Variants in UBE2L3 observed in about 807,000 individuals in gnomAD.
UBE2L3 encodes ubiquitin conjugating enzyme E2 L3.
Under a neutral mutation model 17.8 loss-of-function variants are expected in UBE2L3, and 1 was observed. The ratio of observed to expected loss-of-function variants is 0.06; its 90% CI spans 0.02 to 0.27. The LOEUF (loss-of-function observed/expected upper bound fraction) is 0.27, where lower values mean the gene tolerates loss of function less well. UBE2L3 is among the 10% of genes least tolerant of loss of function. UBE2L3 has a pLI of 1.00. For synonymous variants in UBE2L3, 44 were observed against 68.5 expected (o/e 0.64, Z 1.76); for missense variants, 40 against 192.6 (o/e 0.21, Z 4.69).
upstream of UBE2L3, among the ~76,000 whole-genome samples, chr22:21,567,176 T>C (rs560565065): frequency 1.1e-3 from 166 of 151,726 alleles, no homozygotes; most frequent in African/African-American, 3.3e-3. Context: ...TTTTTTTTTT[T>C]CCCCCAAGAC....
intron 3 of UBE2L3, among the ~76,000 whole-genome samples, chr22:21,611,603 G>A (rs770403561): frequency 1.3e-5 from 2 of 152,210 alleles, no homozygotes; most frequent in Non-Finnish European, 2.9e-5. Context: ...ATTCCCTGGA[G>A]TTGGATGTGG....
chr22:21,599,994 A>C (rs1432185124), intron 2 of UBE2L3, among the ~76,000 whole-genome samples: 1 of 152,350 alleles, frequency 6.6e-6, no homozygotes, highest in Admixed American at 6.5e-5. Context: ...TTATGAAATG[A>C]AAGATTGGAA....
intron 3 of UBE2L3, among the ~76,000 whole-genome samples, chr22:21,618,303 C>T (rs563691478): frequency 3.3e-5 from 5 of 151,816 alleles, no homozygotes; most frequent in East Asian, 3.9e-4. Context: ...CAGTGGCTCA[C>T]GCCTGTAATC....
chr22:21,566,626 T>C (rs1490376420), upstream of UBE2L3, among the ~76,000 whole-genome samples: 1 of 151,564 alleles, frequency 6.6e-6, no homozygotes, highest in African/African-American at 2.4e-5. Flanking sequence ...TCAATACTCA[T>C]ATCTATCAAA....
At chr22:21,604,088 A>G (rs529887963) in intron 2 of UBE2L3, among the ~76,000 whole-genome samples, 1 of 152,144 alleles carries the variant, frequency 6.6e-6, no homozygotes, top group South Asian at 2.1e-4. Flanking sequence ...TAAAATTATC[A>G]TAAGGAATTA....
chr22:21,567,861 C>A, intron 1 of UBE2L3, 90 bp downstream of exon 1: 1 of 1,548,312 alleles, frequency 6.5e-7, no homozygotes, highest in Non-Finnish European at 8.7e-7. Context: ...CAGGGCGCTG[C>A]CGTCTGGCTT....
chr22:21,618,450 C>T (rs1601446332), intron 3 of UBE2L3, among the ~76,000 whole-genome samples: 1 of 151,824 alleles, frequency 6.6e-6, no homozygotes, highest in Non-Finnish European at 1.5e-5. Flanking sequence ...CCTGTAATCC[C>T]ACTACCCGGG....
At chr22:21,570,422 C>T (rs1472901789) in intron 1 of UBE2L3, among the ~76,000 whole-genome samples, 1 of 152,098 alleles carries the variant, frequency 6.6e-6, no homozygotes, top group Non-Finnish European at 1.5e-5. Context: ...AGTGTATTGT[C>T]ATTTGTATTT....
intron 1 of UBE2L3, among the ~76,000 whole-genome samples, chr22:21,556,089 G>T (rs1926214775): frequency 6.6e-6 from 1 of 152,242 alleles, no homozygotes; most frequent in East Asian, 1.9e-4. Context: ...AAATTAACTG[G>T]GCATGGTGGT....
chr22:21,615,697 G>A (rs535171974), intron 3 of UBE2L3, among the ~76,000 whole-genome samples: 1 of 152,200 alleles, frequency 6.6e-6, no homozygotes, highest in South Asian at 2.1e-4. Context: ...AAAGTTTTTT[G>A]TAGCCCCAAA....
chr22:21,584,828 G>C (rs1460039067), intron 1 of UBE2L3, among the ~76,000 whole-genome samples: 2 of 152,076 alleles, frequency 1.3e-5, no homozygotes, highest in Admixed American at 1.3e-4. Context: ...GGGCATGGTG[G>C]TGCGTGCCTG....
intron 1 of UBE2L3, among the ~76,000 whole-genome samples, chr22:21,580,235 C>A (rs1927548204): frequency 1.3e-5 from 2 of 152,152 alleles, no homozygotes; most frequent in South Asian, 4.1e-4. Context: ...CCTGGGCATG[C>A]TCTATACAAG....
At chr22:21,577,137 C>G (rs891073476) in intron 1 of UBE2L3, among the ~76,000 whole-genome samples, 3 of 151,624 alleles carry the variant, frequency 2.0e-5, no homozygotes, top group Admixed American at 2.0e-4. Flanking sequence ...CCCAGCTAAT[C>G]TTTTGTATTT....
At chr22:21,565,846 C>T (rs1926610579), upstream of UBE2L3, among the ~76,000 whole-genome samples, 1 of 147,542 alleles carries the variant, frequency 6.8e-6, no homozygotes, top group South Asian at 2.2e-4. Flanking sequence ...CTCTGCATTG[C>T]TACCTGAGGT....
chr22:21,579,319 TA>T (rs34814873), intron 1 of UBE2L3, among the ~76,000 whole-genome samples: 1 of 152,066 alleles, frequency 6.6e-6, no homozygotes, highest in Non-Finnish European at 1.5e-5. Context: ...TGATGATAAC[TA>T]AATGTAAGAT....
intron 1 of UBE2L3, among the ~76,000 whole-genome samples, chr22:21,570,510 A>G (rs542754605): frequency 5.8e-4 from 88 of 152,240 alleles, no homozygotes; most frequent in African/African-American, 2.1e-3. Context: ...TGGTGGGGAG[A>G]GAGAAGACGC....
intron 1 of UBE2L3, among the ~76,000 whole-genome samples, chr22:21,560,662 G>A (rs1402192541): frequency 2.0e-5 from 3 of 150,816 alleles, no homozygotes; most frequent in Non-Finnish European, 4.4e-5. Flanking sequence ...CGTTGGCCAG[G>A]CTGGTCTCAA....
chr22:21,613,016 C>T (rs1158787926), intron 3 of UBE2L3, among the ~76,000 whole-genome samples: 1 of 152,130 alleles, frequency 6.6e-6, no homozygotes, highest in Non-Finnish European at 1.5e-5. Context: ...TCAGTAATTC[C>T]TGGAGTCCTT....
chr22:21,565,913 T>C (rs2148395294), upstream of UBE2L3, among the ~76,000 whole-genome samples: 1 of 150,964 alleles, frequency 6.6e-6, no homozygotes, highest in South Asian at 2.1e-4. Flanking sequence ...AAGTGGCCCC[T>C]GCTCCCCTTC....
Sources: allele counts gnomAD v4.1 joint callset (sites outside exome capture counted in the v4.1 genomes callset), GRCh38; gene constraint gnomAD v4.1.1; transcripts MANE v1.5; gene names NCBI Gene and HGNC (gene_info 2026-07-23, HGNC 2026-07-21).